RARRES1: variants seen among roughly 807,000 people sequenced by gnomAD.
RARRES1 encodes retinoic acid receptor responder 1, also known as retinoic acid receptor responder protein 1.
Under a neutral mutation model 30.6 loss-of-function variants are expected in RARRES1, and 34 were observed. The ratio of observed to expected loss-of-function variants is 1.11; its 90% CI spans 0.84 to 1.48. The LOEUF (loss-of-function observed/expected upper bound fraction) is 1.48. Among genes scored for constraint, RARRES1 ranks in the 40% most tolerant of loss-of-function variants. RARRES1 has a pLI of 0.00. For synonymous variants in RARRES1, 153 were observed against 155.5 expected (o/e 0.98, Z 0.12); for missense variants, 373 against 386.5 (o/e 0.97, Z 0.29).
At position 158,713,843 on chromosome 3, in the gene RARRES1, C is replaced by T; in HGVS notation, c.293G>A (p.Gly98Glu). ...EGRAWINPKE[G>E]CKVHVVFSTE... is the part of the protein sequence containing the mutation. Reference sequence around the variant, plus strand: ...GCTGAAGACCACGTGAACTTTACATCCCTCTTTTGGATTAATCTGGAACAC... The same window carrying T: ...GCTGAAGACCACGTGAACTTTACATTCCTCTTTTGGATTAATCTGGAACAC... Residue 98 changes from glycine (G) to glutamate (E), a missense_variant, in exon 2 of 6, where the codon GGA (glycine) becomes GAA (glutamate). Transcript: ENST00000237696. The T allele has an allele frequency of 6.2e-7, 1 of 1,614,026 alleles. No homozygotes were observed. The highest frequency in any genetic ancestry group is 1.3e-5 in the African/African-American group (1 of 75,046).
At chr3:158,715,076 G>A (rs1217979234) in intron 1 of RARRES1, among the ~76,000 whole-genome samples, 1 of 152,220 alleles carries the variant, frequency 6.6e-6, no homozygotes, top group Non-Finnish European at 1.5e-5. Context: ...ACACAGAGCA[G>A]TTTGCTGAGG....
intron 2 of RARRES1, among the ~76,000 whole-genome samples, chr3:158,712,779 C>T (rs1727179612): frequency 6.6e-6 from 1 of 152,132 alleles, no homozygotes; most frequent in South Asian, 2.1e-4. Context: ...GCTCTTCACC[C>T]CCTGAAATGG....
chr3:158,727,686 C>T (rs1314531233), intron 1 of RARRES1, among the ~76,000 whole-genome samples: 1 of 152,184 alleles, frequency 6.6e-6, no homozygotes, highest in East Asian at 1.9e-4. Flanking sequence ...AATCTCCCAC[C>T]ACTCCAACTG....
intron 3 of RARRES1, among the ~76,000 whole-genome samples, chr3:158,708,139 T>C (rs571769007): frequency 1.6e-4 from 25 of 152,304 alleles, no homozygotes; most frequent in Middle Eastern, 6.8e-3. Flanking sequence ...CTTCAGAACA[T>C]TATGTAATAC....
intron 1 of RARRES1, among the ~76,000 whole-genome samples, chr3:158,721,216 G>A (rs1272333416): frequency 2.0e-5 from 3 of 152,110 alleles, no homozygotes; most frequent in African/African-American, 4.8e-5. Context: ...TTAAGTCAGG[G>A]TAGACTTGGG....
chr3:158,700,083 C>G (rs1351684120), intron 4 of RARRES1, among the ~76,000 whole-genome samples: 1 of 151,928 alleles, frequency 6.6e-6, no homozygotes, highest in Non-Finnish European at 1.5e-5. Context: ...CCTGTAATCC[C>G]AGCACTTTGG....
chr3:158,713,754 T>C, intron 2 of RARRES1, 43 bp downstream of exon 2: 5 of 1,548,506 alleles, frequency 3.2e-6, no homozygotes, highest in Non-Finnish European at 4.4e-6. Context: ...GCCATATTTA[T>C]AGCAGTTGCT....
chr3:158,722,175 G>GCTTC (rs1355170450), intron 1 of RARRES1, among the ~76,000 whole-genome samples: 2 of 150,264 alleles, frequency 1.3e-5, no homozygotes, highest in Admixed American at 1.3e-4. Flanking sequence ...TTCCCTCCTT[G>GCTTC]CTTCCTGTTA....
intron 1 of RARRES1, among the ~76,000 whole-genome samples, chr3:158,720,514 G>T (rs998015312): frequency 1.3e-5 from 2 of 152,158 alleles, no homozygotes; most frequent in Non-Finnish European, 2.9e-5. Context: ...TGTCAGCAGG[G>T]CCATGCTTCC....
chr3:158,722,086 C>CAAAAAAAAAAAAAAAAAACAA, intron 1 of RARRES1, among the ~76,000 whole-genome samples: 1 of 68,748 alleles, frequency 1.5e-5, no homozygotes, highest in Non-Finnish European at 2.9e-5. Flanking sequence ...GAATGAAACT[C>CAAAAAAAAAAAAAAAAAACAA]AAAAAAAAAA....
intron 1 of RARRES1, among the ~76,000 whole-genome samples, chr3:158,716,463 C>T (rs558728081): frequency 3.5e-4 from 54 of 152,256 alleles, no homozygotes; most frequent in Non-Finnish European, 6.5e-4. Context: ...TATGATTTGA[C>T]GCAACAGTGC....
chr3:158,712,369 G>C (rs1370055941), intron 2 of RARRES1, among the ~76,000 whole-genome samples: 1 of 152,102 alleles, frequency 6.6e-6, no homozygotes, highest in Non-Finnish European at 1.5e-5. Context: ...CCAGCCAGGA[G>C]AGCAAGACCC....
At chr3:158,701,330 T>A (rs1726715449) in intron 4 of RARRES1, among the ~76,000 whole-genome samples, 1 of 152,144 alleles carries the variant, frequency 6.6e-6, no homozygotes, top group African/African-American at 2.4e-5. Context: ...GTAAGATGTG[T>A]CTTACTTTAT....
At chr3:158,702,431 A>G (rs1037020994) in intron 4 of RARRES1, among the ~76,000 whole-genome samples, 3 of 152,200 alleles carry the variant, frequency 2.0e-5, no homozygotes, top group Non-Finnish European at 4.4e-5. Flanking sequence ...GATGATGGAC[A>G]TGAAAGACGG....
chr3:158,698,955 T>A (rs1726637650), intron 4 of RARRES1, among the ~76,000 whole-genome samples: 1 of 152,208 alleles, frequency 6.6e-6, no homozygotes, highest in Admixed American at 6.5e-5. Context: ...ATGGCAAGCT[T>A]ATGTATGTGC....
At chr3:158,698,103 G>A (rs944610105) in intron 4 of RARRES1, 133 bp from the exon 5 acceptor site, 3 of 628,498 alleles carry the variant, frequency 4.8e-6, no homozygotes, top group South Asian at 4.8e-5. Flanking sequence ...ACGGTTTTTG[G>A]TGGTATTTTG....
At chr3:158,728,926 C>T (rs1362695134) in intron 1 of RARRES1, among the ~76,000 whole-genome samples, 1 of 152,150 alleles carries the variant, frequency 6.6e-6, no homozygotes, top group South Asian at 2.1e-4. Context: ...ACACTCTTCA[C>T]TCAGGCAGTG....
chr3:158,712,342 G>A (rs1252648567), intron 2 of RARRES1, among the ~76,000 whole-genome samples: 3 of 152,150 alleles, frequency 2.0e-5, no homozygotes, highest in Non-Finnish European at 4.4e-5. Flanking sequence ...AGTGAGCCAT[G>A]ATCATCGCAC....
In RARRES1 at chr3:158,713,810, C is replaced by T. The variant is rs781666181; in HGVS notation, c.326G>A (p.Arg109His). Reference sequence around the variant, plus strand: ...GTGGCAGCTTACCTCTGGGTTGTAGCGCTCTGTGCTGAAGACCACGTGAAC... The same window carrying T: ...GTGGCAGCTTACCTCTGGGTTGTAGTGCTCTGTGCTGAAGACCACGTGAAC... Reference protein sequence around the residue: ...CKVHVVFSTERYNPESLLQEG... With the variant: ...CKVHVVFSTEHYNPESLLQEG... Residue 109 changes from arginine (R) to histidine (H), a missense_variant, in exon 2 of 6, where the codon CGC becomes CAC. Arg to His is a conservative substitution (Grantham distance 29). Transcript: ENST00000237696. 3.2e-5 allele frequency: 51 copies of T among 1,613,676 alleles called. 1 individual carries two copies. Among genetic ancestry groups the T allele is most frequent in the South Asian group, 7.7e-5 (7 of 91,008 alleles).
Sources: allele counts gnomAD v4.1 joint callset (sites outside exome capture counted in the v4.1 genomes callset), GRCh38; gene constraint gnomAD v4.1.1; transcripts MANE v1.5; gene names NCBI Gene and HGNC (gene_info 2026-07-23, HGNC 2026-07-21).